Variants in STIMATE observed in about 807,000 individuals in gnomAD.
STIMATE encodes STIM activating enhancer.
In STIMATE, 15 loss-of-function variants were observed where a neutral mutation model predicts 36.7. The observed-to-expected ratio is 0.41, with a 90% CI of 0.27 to 0.63. The LOEUF (loss-of-function observed/expected upper bound fraction) is 0.63. Among genes scored for constraint, STIMATE ranks in the 20% least tolerant of loss-of-function variants. The probability of loss-of-function intolerance (pLI) is 0.32; values close to 1 mark genes in which losing one functional copy is unlikely to be tolerated. For missense variants in STIMATE, 305 were observed against 397.3 expected (o/e 0.77, Z 1.98); for synonymous variants, 163 against 162.3 (o/e 1.00, Z -0.03).
Position 52,838,524 on chromosome 3 carries a change from T to A in STIMATE, c.*1970A>T, listed in dbSNP as rs1038414659. 3 of 152,206 alleles carry A rather than the reference T, an allele frequency of 2.0e-5. No homozygotes were observed. Among genetic ancestry groups the A allele is most frequent in the African/African-American group, 7.2e-5 (3 of 41,448 alleles). The allele number at this position is 152,206 out of a possible 1,614,324, so 9.4% of individuals were successfully genotyped here. A position where few individuals can be genotyped will look rare whatever the true frequency, so the allele number is the denominator to read the frequency against. On this transcript the variant is annotated 3_prime_UTR_variant, in exon 8 of 8. Transcript: ENST00000355083. Reference sequence around the variant, plus strand: ...TAAATTCGACTGAGAATGGCCTGGTTCTAGCCACTCTTCCCCACTAGAGAG... The same window carrying A: ...TAAATTCGACTGAGAATGGCCTGGTACTAGCCACTCTTCCCCACTAGAGAG...
rs1183757516 is a variant in STIMATE, at chr3:52,897,334, G to C, written c.117C>G (p.Phe39Leu). ...SGALMHSFGIFLQGLLGVVAF... is the reference protein window; with the variant it reads ...SGALMHSFGILLQGLLGVVAF... ...CCACGACGCCGAGCAGCCCCTGCAGGAAGATGCCGAAGCTGTGCATGAGCG... is the reference window on the plus strand; with the variant it reads ...CCACGACGCCGAGCAGCCCCTGCAGCAAGATGCCGAAGCTGTGCATGAGCG... Residue 39 changes from phenylalanine (F) to leucine (L), a missense_variant, in exon 1 of 8, where the codon TTC becomes TTG. Phe to Leu is a conservative substitution (Grantham distance 22, BLOSUM62 0). Transcript: ENST00000355083. 2 of 1,549,274 alleles carry C rather than the reference G, an allele frequency of 1.3e-6. No homozygotes were observed. The highest frequency in any genetic ancestry group is 8.7e-7 in the Non-Finnish European group (1 of 1,155,350).
rs113908723 is a variant in STIMATE at position 52,897,527 on chromosome 3, C to T, written c.-77G>A. On this transcript the variant is annotated 5_prime_UTR_variant, in exon 1 of 8. Coordinates refer to ENST00000355083, the MANE Select transcript of STIMATE (RefSeq NM_198563.5). Reference sequence around the variant, plus strand: ...GCCTGCCGGCGCAGCGCCGCCAAACCCGCAGCCGGGATCCCAAGCCTGAGC... The same window carrying T: ...GCCTGCCGGCGCAGCGCCGCCAAACTCGCAGCCGGGATCCCAAGCCTGAGC... 8.5e-7 allele frequency: 1 copy of T among 1,183,294 alleles called. No individual in the cohort carries two copies. Among genetic ancestry groups the T allele is most frequent in the Non-Finnish European group, 1.0e-6 (1 of 957,712 alleles). 73.3% of individuals were successfully genotyped at this position (1,183,294 alleles called of 1,614,324 possible).
At chr3:52,893,830 A>C (rs1166552187) in intron 1 of STIMATE, among the ~76,000 whole-genome samples, 1 of 152,214 alleles carries the variant, frequency 6.6e-6, no homozygotes, top group Non-Finnish European at 1.5e-5. Flanking sequence ...TTCTGTCTAC[A>C]CTTCAGCCCA....
chr3:52,874,948 C>T (rs1701474720), intron 1 of STIMATE, among the ~76,000 whole-genome samples: 1 of 152,186 alleles, frequency 6.6e-6, no homozygotes, highest in African/African-American at 2.4e-5. Context: ...AAACCTTCCT[C>T]AAACCCAACT....
intron 2 of STIMATE, among the ~76,000 whole-genome samples, chr3:52,854,218 C>T (rs554517147): frequency 2.0e-5 from 3 of 152,144 alleles, no homozygotes; most frequent in Non-Finnish European, 4.4e-5. Flanking sequence ...ATACGAGCAC[C>T]TAAACCTCAT....
intron 5 of STIMATE, among the ~76,000 whole-genome samples, chr3:52,844,052 A>G (rs1340333195): frequency 1.3e-5 from 2 of 152,222 alleles, no homozygotes; most frequent in African/African-American, 2.4e-5. Flanking sequence ...GTGGGCTTAC[A>G]GCCACCAAGC....
chr3:52,864,105 T>A (rs4687560), intron 1 of STIMATE, among the ~76,000 whole-genome samples: 3 of 152,136 alleles, frequency 2.0e-5, no homozygotes, highest in Non-Finnish European at 4.4e-5. Context: ...GGTACCCCAG[T>A]GGGGACTCCG....
chr3:52,868,987 T>C (rs1037124036), intron 1 of STIMATE, among the ~76,000 whole-genome samples: 3 of 152,106 alleles, frequency 2.0e-5, no homozygotes, highest in African/African-American at 7.2e-5. Context: ...CATCTCTATT[T>C]TACAGATAAG....
rs199645747 is a variant in STIMATE, at chr3:52,849,767, C to T, written c.427+25G>A. 6.5e-3 allele frequency: 10,401 copies of T among 1,605,952 alleles called. 649 individuals carry two copies. In the South Asian group the frequency reaches 0.11, roughly 17 times the overall value. ...AGACCTCCAGCAGTTCCCTCACGCC[C>T]TGTCCGGCATCCACAGCATATTACC... On this transcript the variant is annotated intron_variant, in intron 4 of 7. Transcript: ENST00000355083.
chr3:52,867,924 C>T (rs959767223), intron 1 of STIMATE, among the ~76,000 whole-genome samples: 1 of 152,170 alleles, frequency 6.6e-6, no homozygotes, highest in African/African-American at 2.4e-5. Flanking sequence ...GGCCAGTGAC[C>T]TCAAGCCATG....
intron 1 of STIMATE, among the ~76,000 whole-genome samples, chr3:52,880,907 AG>A (rs1242188591): frequency 1.3e-5 from 2 of 152,228 alleles, no homozygotes; most frequent in African/African-American, 2.4e-5. Flanking sequence ...TAAGCAGTAA[AG>A]CCAGGTGCGG....
At chr3:52,879,631 C>T (rs1701568518) in intron 1 of STIMATE, among the ~76,000 whole-genome samples, 1 of 152,310 alleles carries the variant, frequency 6.6e-6, no homozygotes, top group African/African-American at 2.4e-5. Context: ...GAATAGGATT[C>T]CTCAACTCCC....
chr3:52,887,503 CA>C (rs1435350221), intron 1 of STIMATE, among the ~76,000 whole-genome samples: 1 of 151,924 alleles, frequency 6.6e-6, no homozygotes, highest in African/African-American at 2.4e-5. Flanking sequence ...CTGCAAGACA[CA>C]AGGATGCTGC....
At chr3:52,842,354 T>G (rs6791937) in intron 7 of STIMATE, among the ~76,000 whole-genome samples, 140,461 of 152,300 alleles carry the variant, frequency 0.92, 65,829 homozygotes, top group East Asian at 1. Context: ...GGGGGATGAG[T>G]TTCCTCCTGC....
chr3:52,846,332 G>A (rs889142101), intron 4 of STIMATE: 3 of 152,042 alleles, frequency 2.0e-5, no homozygotes, highest in Non-Finnish European at 2.9e-5. Context: ...TTTTCCTTTC[G>A]GTAAGTCACC....
At chr3:52,884,197 G>GATGTAACC in intron 1 of STIMATE, among the ~76,000 whole-genome samples, 1 of 151,422 alleles carries the variant, frequency 6.6e-6, no homozygotes, top group East Asian at 1.9e-4. Flanking sequence ...TGTGTATGCT[G>GATGTAACC]ATGTAACCCT....
intron 1 of STIMATE, among the ~76,000 whole-genome samples, chr3:52,863,315 A>T (rs1162295976): frequency 6.6e-6 from 1 of 152,184 alleles, no homozygotes; most frequent in Non-Finnish European, 1.5e-5. Context: ...CACTTCTTAC[A>T]TGGTGGTGGC....
At chr3:52,855,328 A>T (rs1331025925) in intron 2 of STIMATE, 68 bp downstream of exon 2, 1 of 1,116,886 alleles carries the variant, frequency 9.0e-7, no homozygotes, top group African/African-American at 1.7e-5. Context: ...ACCATACCCC[A>T]CCCCCAGCCC....
chr3:52,891,510 A>C (rs1162965317), intron 1 of STIMATE, among the ~76,000 whole-genome samples: 2 of 152,156 alleles, frequency 1.3e-5, no homozygotes, highest in African/African-American at 4.8e-5. Flanking sequence ...AGCCCCAGGC[A>C]CCCACTGCCC....
Sources: gnomAD v4.1 joint callset for allele counts (sites outside exome capture counted in the v4.1 genomes callset) on GRCh38, gnomAD v4.1.1 for gene constraint, MANE v1.5 for transcripts, NCBI Gene and HGNC (gene_info 2026-07-23, HGNC 2026-07-21) for gene names.